The following IFNGR2 variants were observed in gnomAD, a reference collection of about 807,000 sequenced individuals.
IFNGR2 encodes the protein interferon gamma receptor 2.
Under a neutral mutation model 41.1 loss-of-function variants are expected in IFNGR2, and 15 were observed. The observed-to-expected ratio is 0.37, with a 90% CI of 0.24 to 0.56. The LOEUF is 0.56. Among genes scored for constraint, IFNGR2 ranks in the 20% least tolerant of loss-of-function variants. IFNGR2 has a pLI of 0.81. For synonymous variants in IFNGR2, 161 were observed against 171.6 expected (o/e 0.94, Z 0.48); for missense variants, 362 against 415.7 (o/e 0.87, Z 1.12).
chr21:33,432,888 CTCT>C lies in IFNGR2; in HGVS notation c.879+19_879+21del, dbSNP rs753453319. 667 of 1,333,874 alleles carry C rather than the reference CTCT, an allele frequency of 5.0e-4. No homozygotes were observed. Among genetic ancestry groups the C allele is most frequent in the Non-Finnish European group, 5.7e-4 (549 of 970,270 alleles). 82.6% of individuals were successfully genotyped at this position (1,333,874 alleles called of 1,614,324 possible). On this transcript the variant is annotated intron_variant, in intron 6 of 6. Transcript: ENST00000290219. ...ATAGAAGAGGTACGTGTGCACACAT[CTCT>C]TTTTTTTTTTTTGAGACAGGGTCTT...
At chr21:33,433,124 G>A (rs2083906666) in intron 6 of IFNGR2, among the ~76,000 whole-genome samples, 1 of 152,120 alleles carries the variant, frequency 6.6e-6, no homozygotes, top group Admixed American at 6.6e-5. Flanking sequence ...GACCTCAAGT[G>A]ATCCACCCAC....
intron 1 of IFNGR2, among the ~76,000 whole-genome samples, chr21:33,412,205 A>G (rs1024973552): frequency 4.6e-5 from 7 of 152,180 alleles, no homozygotes; most frequent in Non-Finnish European, 8.8e-5. Context: ...CCCTAAGCAG[A>G]CACTCACCCT....
At chr21:33,434,492 A>G (rs2083924086) in intron 6 of IFNGR2, among the ~76,000 whole-genome samples, 1 of 152,194 alleles carries the variant, frequency 6.6e-6, no homozygotes, top group Non-Finnish European at 1.5e-5. Flanking sequence ...ATAGCACTTT[A>G]GCTTGGGTGG....
At chr21:33,428,315 C>T (rs944054802) in intron 4 of IFNGR2, among the ~76,000 whole-genome samples, 3 of 151,852 alleles carry the variant, frequency 2.0e-5, no homozygotes, top group Admixed American at 6.6e-5. Context: ...TCTACCTCCC[C>T]GGCTCAAGCA....
In IFNGR2 at chr21:33,414,922, G is replaced by A. The variant is rs564089389; in HGVS notation, c.108G>A (p.Pro36=). ...CCCAGCTGCCCGCTCCTCAGCACCCGAAGATTCGCCTGTACAACGCAGAGC... is the reference window on the plus strand; with the variant it reads ...CCCAGCTGCCCGCTCCTCAGCACCCAAAGATTCGCCTGTACAACGCAGAGC... ...PLSQLPAPQH[P]KIRLYNAEQV... Residue 36 remains proline (P), a synonymous_variant, in exon 2 of 7, where the codon CCG becomes CCA. Coordinates refer to ENST00000290219, the MANE Select transcript of IFNGR2 (RefSeq NM_005534.4). 24 of 1,614,066 alleles carry A rather than the reference G, an allele frequency of 1.5e-5. No homozygotes were observed. Among genetic ancestry groups the A allele is most frequent in the African/African-American group, 2.7e-5 (2 of 75,006 alleles).
intron 2 of IFNGR2, among the ~76,000 whole-genome samples, chr21:33,421,207 C>T (rs900279116): frequency 6.6e-6 from 1 of 151,778 alleles, no homozygotes; most frequent in Admixed American, 6.6e-5. Flanking sequence ...TGGCTCACAC[C>T]TGTAGTTCCA....
In IFNGR2 at chr21:33,407,612, T is replaced by C. The variant is rs55809154; in HGVS notation, c.73+3996T>C. 5.5e-3 allele frequency among the ~76,000 whole-genome samples: 844 copies of C among 152,368 alleles called. 5 individuals are homozygous for C. The highest frequency in any genetic ancestry group is 9.0e-3 in the Non-Finnish European group (613 of 68,036). ...TGATGTCCAGTTGTTGTTGTTGTTTTTGAGACGGAGTCTCGCCCTGATGCC... is the reference window on the plus strand; with the variant it reads ...TGATGTCCAGTTGTTGTTGTTGTTTCTGAGACGGAGTCTCGCCCTGATGCC... On this transcript the variant is annotated intron_variant, in intron 1 of 6. Coordinates refer to ENST00000290219, the MANE Select transcript of IFNGR2 (RefSeq NM_005534.4).
chr21:33,425,002 C>T (rs187682340), intron 3 of IFNGR2, among the ~76,000 whole-genome samples: 171 of 152,270 alleles, frequency 1.1e-3, no homozygotes, highest in Middle Eastern at 3.4e-3. Flanking sequence ...CTCTGCCTCT[C>T]AGGTTCAAGC....
intron 1 of IFNGR2, among the ~76,000 whole-genome samples, chr21:33,411,046 TACAAAAAGG>T (rs2083712056): frequency 6.6e-6 from 1 of 152,254 alleles, no homozygotes; most frequent in African/African-American, 2.4e-5. Context: ...CCCCCTGGCC[TACAAAAAGG>T]ACAGTCTTAT....
intron 1 of IFNGR2, among the ~76,000 whole-genome samples, chr21:33,412,425 ATT>A (rs1568951673): frequency 6.6e-6 from 1 of 152,200 alleles, no homozygotes; most frequent in African/African-American, 2.4e-5. Flanking sequence ...TGAGTAACTA[ATT>A]TTGTTTCAAC....
At chr21:33,429,755 A>G (rs2123363605) in intron 4 of IFNGR2, among the ~76,000 whole-genome samples, 1 of 152,292 alleles carries the variant, frequency 6.6e-6, no homozygotes, top group South Asian at 2.1e-4. Flanking sequence ...AGGAAAACAG[A>G]TGTTCCTCAT....
At chr21:33,424,213 A>C (rs2083817315) in intron 3 of IFNGR2, among the ~76,000 whole-genome samples, 1 of 152,042 alleles carries the variant, frequency 6.6e-6, no homozygotes, top group Admixed American at 6.6e-5. Flanking sequence ...AGGCAGGAGA[A>C]TCTCTTGAAC....
Position 33,416,777 on chromosome 21 carries a change from G to C in IFNGR2, c.206+1757G>C, listed in dbSNP as rs538748830. ...GCAGAGCTTGCAGTGAACCGAGATC[G>C]TGCCACTGCACTCCAGGCTGGGCGA... On this transcript the variant is annotated intron_variant, in intron 2 of 6. Coordinates refer to ENST00000290219, the MANE Select transcript of IFNGR2 (RefSeq NM_005534.4). Among the ~76,000 whole-genome samples, 142 of 149,008 alleles carry C rather than the reference G, an allele frequency of 9.5e-4. 2 individuals carry two copies. The East Asian group carries it at 0.02, about 21-fold the overall frequency.
chr21:33,427,979 C>T (rs1048571465), intron 4 of IFNGR2, among the ~76,000 whole-genome samples: 1 of 151,754 alleles, frequency 6.6e-6, no homozygotes, highest in Admixed American at 6.6e-5. Flanking sequence ...GATCTGCCCA[C>T]CTTGGCCACC....
At chr21:33,404,548 C>T (rs1252031089) in intron 1 of IFNGR2, among the ~76,000 whole-genome samples, 5 of 152,144 alleles carry the variant, frequency 3.3e-5, no homozygotes, top group African/African-American at 1.2e-4. Flanking sequence ...AGCGATCCTC[C>T]CACGTCAGCC....
chr21:33,417,388 G>C (rs7277808), intron 2 of IFNGR2, among the ~76,000 whole-genome samples: 76,559 of 151,972 alleles, frequency 0.5, 19,884 homozygotes, highest in East Asian at 0.83. Flanking sequence ...TCACACTGGC[G>C]TTTCTTATTT....
chr21:33,411,035 GC>G (rs2083711958), intron 1 of IFNGR2: 19 of 657,062 alleles, frequency 2.9e-5, no homozygotes, highest in African/African-American at 1.1e-4. Context: ...CCAAGGACAG[GC>G]CCCCTGGCCT....
intron 1 of IFNGR2, among the ~76,000 whole-genome samples, chr21:33,407,854 C>T (rs1305831660): frequency 6.9e-6 from 1 of 144,416 alleles, no homozygotes; most frequent in Non-Finnish European, 1.5e-5. Flanking sequence ...GCACCCCCCC[C>T]CGCCAACCCC....
chr21:33,432,019 C>T (rs2083892881), intron 4 of IFNGR2, among the ~76,000 whole-genome samples, 158 bp from the exon 5 acceptor site: 2 of 152,246 alleles, frequency 1.3e-5, no homozygotes, highest in Non-Finnish European at 2.9e-5. Context: ...AATTTTCACA[C>T]ATAAAATGTG....
Sources: allele counts gnomAD v4.1 joint callset (sites outside exome capture counted in the v4.1 genomes callset), GRCh38; gene constraint gnomAD v4.1.1; transcripts MANE v1.5; gene names NCBI Gene and HGNC (gene_info 2026-07-23, HGNC 2026-07-21).